DNAH14: variants seen among roughly 807,000 people sequenced by gnomAD.
DNAH14 encodes the protein axonemal beta dynein heavy chain 14.
In DNAH14, 478 loss-of-function variants were observed where a neutral mutation model predicts 520.9. That is an observed-to-expected ratio of 0.92 (90% CI 0.85 to 0.99). The LOEUF is 0.99. Among genes scored for constraint, DNAH14 ranks in the 50% least tolerant of loss-of-function variants. The probability of loss-of-function intolerance (pLI) is 0.00; values close to 1 mark genes in which losing one functional copy is unlikely to be tolerated. For missense variants in DNAH14, 4,831 were observed against 5,234.5 expected (o/e 0.92, Z 2.38); for synonymous variants, 1,581 against 1,757.2 (o/e 0.90, Z 2.51).
chr1:225,271,384 T>G (rs983602301), intron 50 of DNAH14, among the ~76,000 whole-genome samples: 4 of 152,204 alleles, frequency 2.6e-5, no homozygotes, highest in African/African-American at 9.7e-5. Context: ...TCTTTAAATT[T>G]TATATTAAAG....
chr1:225,346,724 T>C (rs2095291697), intron 71 of DNAH14, 70 bp downstream of exon 71: 1 of 1,180,246 alleles, frequency 8.5e-7, no homozygotes. Flanking sequence ...TCTAAGGTGC[T>C]CCAAGTCAAT....
intron 41 of DNAH14, among the ~76,000 whole-genome samples, chr1:225,217,725 T>C (rs1172010357): frequency 6.6e-6 from 1 of 152,186 alleles, no homozygotes; most frequent in Non-Finnish European, 1.5e-5. Context: ...AATCTCCTGG[T>C]GTGCCATTTG....
At chr1:225,265,929 T>C (rs2093097959) in intron 48 of DNAH14, among the ~76,000 whole-genome samples, 1 of 152,074 alleles carries the variant, frequency 6.6e-6, no homozygotes. Context: ...AATAAATATA[T>C]ATATATATAT....
chr1:225,335,930 C>G (rs2095022763), intron 66 of DNAH14, among the ~76,000 whole-genome samples: 2 of 139,830 alleles, frequency 1.4e-5, no homozygotes, highest in African/African-American at 2.6e-5. Flanking sequence ...TGCACATATA[C>G]CTATATATAC....
chr1:225,377,561 A>G (rs1249486896), intron 79 of DNAH14, 125 bp downstream of exon 79: 2 of 912,320 alleles, frequency 2.2e-6, no homozygotes, highest in Non-Finnish European at 3.2e-6. Context: ...GGAGTTCGAG[A>G]CCACTCTGAG....
intron 64 of DNAH14, among the ~76,000 whole-genome samples, chr1:225,330,002 G>T (rs2094759856): frequency 6.6e-6 from 1 of 152,064 alleles, no homozygotes; most frequent in African/African-American, 2.4e-5. Context: ...GGCTTGAATG[G>T]ATACTTATCA....
At chr1:225,065,017 A>G (rs1207424514) in intron 17 of DNAH14, among the ~76,000 whole-genome samples, 2 of 151,960 alleles carry the variant, frequency 1.3e-5, no homozygotes, top group African/African-American at 2.4e-5. Flanking sequence ...CCTCAAAGGT[A>G]AATTGGGGAT....
intron 11 of DNAH14, among the ~76,000 whole-genome samples, chr1:225,027,773 A>C (rs1472541440): frequency 6.6e-6 from 1 of 152,136 alleles, no homozygotes; most frequent in Admixed American, 6.5e-5. Context: ...ACAATTCGGC[A>C]TGAGATTTGG....
Position 225,231,482 on chromosome 1 carries a change from T to A in DNAH14, c.6518+331T>A, listed in dbSNP as rs577869257. ...TGTTCAGTTAGTTGCTAAATGTTTT[T>A]AAGCTTTAATTTTTTTCATTTATAA... On this transcript the variant is annotated intron_variant, in intron 42 of 85. Transcript: ENST00000682510. Among the ~76,000 whole-genome samples the A allele has an allele frequency of 2.0e-5, 3 of 152,316 alleles. No homozygotes were observed. The East Asian group carries it at 5.8e-4, about 29-fold the overall frequency.
At chr1:225,060,456 C>G (rs887608898) in intron 17 of DNAH14, among the ~76,000 whole-genome samples, 1 of 152,004 alleles carries the variant, frequency 6.6e-6, no homozygotes, top group Non-Finnish European at 1.5e-5. Context: ...GCCATTGGTT[C>G]GACCTTCCTC....
chr1:225,147,346 A>T, intron 31 of DNAH14, 97 bp downstream of exon 31: 1 of 1,295,726 alleles, frequency 7.7e-7, no homozygotes, highest in Non-Finnish European at 1.0e-6. Context: ...ATAAGTGTTT[A>T]GGTCTTTGGG....
At position 225,059,714 on chromosome 1, in the gene DNAH14, C is replaced by G. The variant is rs1052405993; in HGVS notation, c.2424+7919C>G. The stretch of plus-strand genomic sequence containing the variant: ...GCTTCCTTCAGGAGCTCTTTTAGGG[C>G]AGGCCTGGTGGTGACAAAATCTCTC... On this transcript the variant is annotated intron_variant, in intron 17 of 85. Transcript: ENST00000682510. 1.5e-3 allele frequency among the ~76,000 whole-genome samples: 221 copies of G among 152,142 alleles called. 4 individuals carry two copies. The highest frequency in any genetic ancestry group is 5.8e-4 in the East Asian group (3 of 5,184).
intron 75 of DNAH14, 59 bp from the exon 76 acceptor site, chr1:225,364,732 TA>T: frequency 2.4e-6 from 3 of 1,267,190 alleles, no homozygotes; most frequent in South Asian, 1.5e-5. Context: ...GCTATGATTC[TA>T]AAAACATGTT....
At chr1:225,064,097 TAACAA>T (rs773697481) in intron 17 of DNAH14, among the ~76,000 whole-genome samples, 1 of 151,860 alleles carries the variant, frequency 6.6e-6, no homozygotes, top group Non-Finnish European at 1.5e-5. Context: ...CCAATAAAAA[TAACAA>T]GACAACCCAG....
chr1:225,222,850 G>A (rs1274773272), intron 41 of DNAH14, among the ~76,000 whole-genome samples: 1 of 152,118 alleles, frequency 6.6e-6, no homozygotes, highest in African/African-American at 2.4e-5. Context: ...CCAGAAGAGG[G>A]TACACTAGAC....
chr1:225,164,204 T>C (rs2081821033), intron 35 of DNAH14, among the ~76,000 whole-genome samples: 1 of 152,134 alleles, frequency 6.6e-6, no homozygotes, highest in Admixed American at 6.5e-5. Flanking sequence ...ACTTTAAAGT[T>C]GTAAGTTATA....
At chr1:225,337,153 A>C in intron 66 of DNAH14, 113 bp from the exon 67 acceptor site, 1 of 905,846 alleles carries the variant, frequency 1.1e-6, no homozygotes, top group East Asian at 2.7e-5. Context: ...ATTTTTAAAC[A>C]GTATTTCTTT....
chr1:225,210,922 G>C (rs567412982), intron 41 of DNAH14, among the ~76,000 whole-genome samples: 1 of 152,294 alleles, frequency 6.6e-6, no homozygotes, highest in South Asian at 2.1e-4. Flanking sequence ...CTGACTATTA[G>C]AAGGAAAACT....
At chr1:225,373,674 G>A (rs1211872264) in intron 77 of DNAH14, among the ~76,000 whole-genome samples, 1 of 152,180 alleles carries the variant, frequency 6.6e-6, no homozygotes. Context: ...GAGAGGATCT[G>A]ACGGCTAAAG....
Sources: allele counts gnomAD v4.1 joint callset (sites outside exome capture counted in the v4.1 genomes callset), GRCh38; gene constraint gnomAD v4.1.1; transcripts MANE v1.5; gene names NCBI Gene and HGNC (gene_info 2026-07-23, HGNC 2026-07-21).